PCDHGB3: variants seen among roughly 807,000 people sequenced by gnomAD.
The protein encoded by PCDHGB3 is protocadherin gamma subfamily B, 3.
A neutral mutation model predicts 59.2 loss-of-function variants in PCDHGB3; 40 were observed. The ratio of observed to expected loss-of-function variants is 0.68; its 90% CI spans 0.52 to 0.88. PCDHGB3 has a LOEUF of 0.88. PCDHGB3 is among the 40% of genes least tolerant of loss of function. The pLI, the probability that PCDHGB3 is intolerant of heterozygous loss-of-function variation, is 0.00. For missense variants in PCDHGB3, 1,309 were observed against 1,187.9 expected (o/e 1.10, Z -1.50); for synonymous variants, 581 against 503.6 (o/e 1.15, Z -2.06).
In PCDHGB3 at chr5:141,485,124, C is replaced by A; in HGVS notation, c.2416-9683C>A. ...GCTGCTGTGGCTGTTTGGGGCGGGT[C>A]GGCTTCATCCGCGTCTCAGGAGCAA... is the stretch of plus-strand genomic sequence containing the variant. On this transcript the variant is annotated intron_variant, in intron 1 of 3. Transcript: ENST00000576222. The surrounding 1 kb of genome is among the most constrained non-coding windows in gnomAD (Gnocchi z 5.7). 2 of 1,390,136 alleles carry A rather than the reference C, an allele frequency of 1.4e-6. No homozygotes were observed. The highest frequency in any genetic ancestry group is 2.5e-5 in the South Asian group (2 of 80,180). 86.1% of individuals were successfully genotyped at this position (1,390,136 alleles called of 1,614,324 possible). A position where few individuals can be genotyped will look rare whatever the true frequency, so the allele number is the denominator to read the frequency against.
intron 1 of PCDHGB3, chr5:141,404,104 T>C (rs2094485215): frequency 1.2e-6 from 2 of 1,613,640 alleles, no homozygotes; most frequent in East Asian, 2.2e-5. Flanking sequence ...AAGTTGTCTG[T>C]TCTATCCAGG....
chr5:141,436,743 C>A (rs991678215), intron 1 of PCDHGB3, among the ~76,000 whole-genome samples: 3 of 152,158 alleles, frequency 2.0e-5, no homozygotes, highest in Non-Finnish European at 4.4e-5. Flanking sequence ...TTTTTGTGTG[C>A]TTCTCCATAT....
Position 141,438,643 on chromosome 5 carries a change from C to CATAT in PCDHGB3, c.2416-56163_2416-56162insTATA, listed in dbSNP as rs1213792286. ...ATATATATATATATATATACACACACACACACACATATATGTATATATATA... is the reference window on the plus strand; with the variant it reads ...ATATATATATATATATATACACACACATATACACACACATATATGTATATATATA... On this transcript the variant is annotated intron_variant, in intron 1 of 3. Transcript: ENST00000576222. Among the ~76,000 whole-genome samples, 345 of 117,382 alleles carry CATAT rather than the reference C, an allele frequency of 2.9e-3. 2 individuals are homozygous for CATAT. Among genetic ancestry groups the CATAT allele is most frequent in the Admixed American group, 6.8e-3 (78 of 11,434 alleles). 77.0% of individuals were successfully genotyped at this position (117,382 alleles called of 152,430 possible). A position where few individuals can be genotyped will look rare whatever the true frequency, so the allele number is the denominator to read the frequency against.
At chr5:141,488,198 G>C (rs1007623840) in intron 1 of PCDHGB3, among the ~76,000 whole-genome samples, 1 of 152,166 alleles carries the variant, frequency 6.6e-6, no homozygotes, top group Non-Finnish European at 1.5e-5. Flanking sequence ...CTGGGTCTTA[G>C]GACTCATATC....
intron 1 of PCDHGB3, among the ~76,000 whole-genome samples, chr5:141,456,824 G>C (rs2098890304): frequency 6.6e-6 from 1 of 152,052 alleles, no homozygotes; most frequent in African/African-American, 2.4e-5. Flanking sequence ...ATTAGCCATC[G>C]TGGTAGTGGG....
In PCDHGB3 at chr5:141,409,552, A is replaced by C. The variant is rs777125488; in HGVS notation, c.2415+36743A>C. On this transcript the variant is annotated intron_variant, in intron 1 of 3. Transcript: ENST00000576222. ...TCGCTGACATCAACGACAACGCCCC[A>C]GTTTTCGACCAGACGTCCTACGTGG... 9 of 1,613,844 alleles carry C rather than the reference A, an allele frequency of 5.6e-6. No homozygotes were observed. The East Asian group carries it at 1.1e-4, about 20-fold the overall frequency.
At chr5:141,385,132 G>A (rs763210124) in intron 1 of PCDHGB3, 9 of 1,614,208 alleles carry the variant, frequency 5.6e-6, no homozygotes, top group Middle Eastern at 1.6e-4. Flanking sequence ...GGGCATGGAC[G>A]GGGTGCAGGC....
chr5:141,403,950 T>C (rs771679747), intron 1 of PCDHGB3: 13 of 1,613,706 alleles, frequency 8.1e-6, no homozygotes, highest in Non-Finnish European at 1.1e-5. Context: ...TGGACAAAAG[T>C]GCTCATTTCG....
chr5:141,409,237 A>G lies in PCDHGB3; in HGVS notation c.2415+36428A>G, dbSNP rs375806619. The G allele has an allele frequency of 7.2e-5, 116 of 1,614,054 alleles. 2 individuals are homozygous for G. Among genetic ancestry groups the G allele is most frequent in the East Asian group, 6.5e-4 (29 of 44,886 alleles). ...TCCTTGATGAAAACGACAACAGCCC[A>G]GAAATAATCATCACTTCTCTCTCTG... On this transcript the variant is annotated intron_variant, in intron 1 of 3. Coordinates refer to ENST00000576222, the MANE Select transcript of PCDHGB3 (RefSeq NM_018924.5).
chr5:141,485,106 TGGCTGTTTGGGGCGGGTC>T lies in PCDHGB3; in HGVS notation c.2416-9696_2416-9679del. 1 of 1,206,448 alleles carries T rather than the reference TGGCTGTTTGGGGCGGGTC, an allele frequency of 8.3e-7. No homozygotes were observed. The highest frequency in any genetic ancestry group is 1.2e-6 in the Non-Finnish European group (1 of 828,284). 74.7% of individuals were successfully genotyped at this position (1,206,448 alleles called of 1,614,324 possible). Reference sequence around the variant, plus strand: ...GGGAGATAGGTGTCTCCAGCTGCTGTGGCTGTTTGGGGCGGGTCGGCTTCATCCGCGTCTCAGGAGCAA... The same window carrying T: ...GGGAGATAGGTGTCTCCAGCTGCTGTGGCTTCATCCGCGTCTCAGGAGCAA... On this transcript the variant is annotated intron_variant, in intron 1 of 3. Coordinates refer to ENST00000576222, the MANE Select transcript of PCDHGB3 (RefSeq NM_018924.5). This position sits in a 1 kb window ranked among gnomAD's most constrained non-coding sequence, Gnocchi z 5.7.
chr5:141,376,737 A>C, intron 1 of PCDHGB3: 1 of 500,806 alleles, frequency 2.0e-6, no homozygotes, highest in Non-Finnish European at 3.3e-6. Context: ...CGGACTGCGG[A>C]CTGCAGTGGC....
chr5:141,400,965 CTCTT>C (rs2094096418), intron 1 of PCDHGB3, among the ~76,000 whole-genome samples: 1 of 151,032 alleles, frequency 6.6e-6, no homozygotes, highest in Non-Finnish European at 1.5e-5. Flanking sequence ...TAGTTTTCAT[CTCTT>C]TCTTATGTTC....
chr5:141,414,550 G>A (rs773044624), intron 1 of PCDHGB3: 1 of 1,613,948 alleles, frequency 6.2e-7, no homozygotes, highest in East Asian at 2.2e-5. Flanking sequence ...CTTCTCTCAA[G>A]TCTCCTACTT....
chr5:141,477,978 T>A lies in PCDHGB3; in HGVS notation c.2416-16829T>A. ...TCCCCTAACCAGAGCCTTTTTGCCA[T>A]AGGGCTGCACACTGGTCAAATCAGT... is the stretch of plus-strand genomic sequence containing the variant. On this transcript the variant is annotated intron_variant, in intron 1 of 3. Transcript: ENST00000576222. The surrounding 1 kb of genome is among the most constrained non-coding windows in gnomAD (Gnocchi z 4.9). The A allele has an allele frequency of 6.2e-7, 1 of 1,614,120 alleles. No individual in the cohort carries two copies. Among genetic ancestry groups the A allele is most frequent in the Non-Finnish European group, 8.5e-7 (1 of 1,180,022 alleles).
At chr5:141,395,542 T>TTGTTTGTTTG (rs1267535064) in intron 1 of PCDHGB3, 1 of 168,708 alleles carries the variant, frequency 5.9e-6, no homozygotes, top group African/African-American at 5.7e-5. Context: ...TTGCTATTGT[T>TTGTTTGTTTG]TGTGTGTGTG....
chr5:141,403,581 T>C (rs2094427540), intron 1 of PCDHGB3: 8 of 1,613,936 alleles, frequency 5.0e-6, no homozygotes, highest in Non-Finnish European at 6.8e-6. Flanking sequence ...GCCCACCACC[T>C]GGTCCTCACG....
chr5:141,435,027 AC>A (rs1485237615), intron 1 of PCDHGB3, among the ~76,000 whole-genome samples: 1 of 151,978 alleles, frequency 6.6e-6, no homozygotes, highest in Non-Finnish European at 1.5e-5. Flanking sequence ...CTCTTTTCCC[AC>A]TTTTATTTTT....
rs2154591169 is a variant in PCDHGB3 at position 141,493,606 on chromosome 5, T to A, written c.2416-1201T>A. Among the ~76,000 whole-genome samples, 1 of 152,278 alleles carries A rather than the reference T, an allele frequency of 6.6e-6. No homozygotes were observed. Among genetic ancestry groups the A allele is most frequent in the Non-Finnish European group, 1.5e-5 (1 of 68,022 alleles). ...ACAATCACTGCATTTCCATGTAGAT[T>A]CTGCTGTGTCTAAGAATACAGTGGC... On this transcript the variant is annotated intron_variant, in intron 1 of 3. Transcript: ENST00000576222. This position sits in a 1 kb window ranked among gnomAD's most constrained non-coding sequence, Gnocchi z 4.3.
intron 1 of PCDHGB3, chr5:141,419,522 C>T (rs781128524): frequency 1.5e-5 from 24 of 1,612,178 alleles, no homozygotes; most frequent in Non-Finnish European, 1.9e-5. Flanking sequence ...GGTGGGCGAC[C>T]GTAACGACAA....
Sources: allele counts gnomAD v4.1 joint callset (sites outside exome capture counted in the v4.1 genomes callset), GRCh38; gene constraint gnomAD v4.1.1; non-coding constraint Gnocchi (gnomAD v3.1); transcripts MANE v1.5; gene names NCBI Gene and HGNC (gene_info 2026-07-23, HGNC 2026-07-21).